Variants in VCL observed in about 807,000 individuals in gnomAD.
The protein encoded by VCL is epididymis luminal protein 114.
A neutral mutation model predicts 125.7 loss-of-function variants in VCL; 47 were observed. The ratio of observed to expected loss-of-function variants is 0.37; its 90% CI spans 0.30 to 0.48. The LOEUF is 0.48. Ranked by LOEUF, VCL falls within the 20% of genes least tolerant of loss-of-function variation. The pLI, the probability that VCL is intolerant of heterozygous loss-of-function variation, is 0.99. For missense variants in VCL, 1,069 were observed against 1,455.5 expected, an observed-to-expected ratio of 0.73 and a Z score of 4.32; for synonymous variants, 458 against 514.6, an observed-to-expected ratio of 0.89 and a Z score of 1.49.
At position 73,998,481 on chromosome 10, in the gene VCL, G is replaced by A. The variant is rs901296190; in HGVS notation, c.168+106G>A. ...CGGCTCGCTGGCCGTGGCTTTCCGC[G>A]TGGGTTCCGGAGCCAGGCGCCGAGG... is the stretch of plus-strand genomic sequence containing the variant. On this transcript the variant is annotated intron_variant, in intron 1 of 21. Coordinates refer to ENST00000211998, the MANE Select transcript of VCL (RefSeq NM_014000.3). 5.0e-6 allele frequency: 6 copies of A among 1,197,178 alleles called. No individual in the cohort carries two copies. The African/African-American group carries it at 6.4e-5, about 13-fold the overall frequency. 74.2% of individuals were successfully genotyped at this position (1,197,178 alleles called of 1,614,324 possible).
At chr10:73,999,168 T>TG (rs906037798) in intron 1 of VCL, among the ~76,000 whole-genome samples, 2 of 152,182 alleles carry the variant, frequency 1.3e-5, no homozygotes, top group Non-Finnish European at 2.9e-5. Context: ...CTCCTCCCAC[T>TG]GGGGCCTTTC....
intron 21 of VCL, among the ~76,000 whole-genome samples, chr10:74,115,579 T>C (rs986324637): frequency 1.3e-5 from 2 of 152,134 alleles, no homozygotes; most frequent in Non-Finnish European, 2.9e-5. Flanking sequence ...TTGGCTCTTT[T>C]GAGGCCTCCA....
chr10:74,027,434 G>A (rs955558135), intron 1 of VCL, among the ~76,000 whole-genome samples: 2 of 151,640 alleles, frequency 1.3e-5, no homozygotes, highest in African/African-American at 2.4e-5. Flanking sequence ...GCCGAGGTAG[G>A]TGAATCATTT....
At chr10:74,081,865 T>C (rs1478364769) in intron 6 of VCL, among the ~76,000 whole-genome samples, 1 of 152,188 alleles carries the variant, frequency 6.6e-6, no homozygotes, top group African/African-American at 2.4e-5. Context: ...CACTTCTAAA[T>C]TATATTACTT....
chr10:74,052,209 C>T (rs1042211389), intron 2 of VCL, among the ~76,000 whole-genome samples: 2 of 151,966 alleles, frequency 1.3e-5, no homozygotes, highest in Non-Finnish European at 2.9e-5. Flanking sequence ...TTAGCTAGTC[C>T]TCTATGTGGT....
intron 10 of VCL, among the ~76,000 whole-genome samples, chr10:74,090,470 A>G (rs1352601828): frequency 6.6e-6 from 1 of 152,028 alleles, no homozygotes; most frequent in Non-Finnish European, 1.5e-5. Flanking sequence ...TCCTTTTTTG[A>G]GATGCTTTTT....
chr10:74,091,176 A>C (rs1406972617), intron 10 of VCL, among the ~76,000 whole-genome samples: 2 of 152,156 alleles, frequency 1.3e-5, no homozygotes, highest in Non-Finnish European at 1.5e-5. Context: ...AACACTAAGG[A>C]AGGGTTTAAT....
At chr10:74,098,556 T>C (rs1840005410) in intron 13 of VCL, among the ~76,000 whole-genome samples, 1 of 152,192 alleles carries the variant, frequency 6.6e-6, no homozygotes, top group African/African-American at 2.4e-5. Context: ...CAGGAGAGCT[T>C]TGCTATGCCT....
At chr10:74,096,797 C>T (rs928050189) in intron 12 of VCL, among the ~76,000 whole-genome samples, 1 of 152,234 alleles carries the variant, frequency 6.6e-6, no homozygotes, top group Admixed American at 6.5e-5. Flanking sequence ...GGCACTACAT[C>T]CACCAAACAA....
intron 6 of VCL, among the ~76,000 whole-genome samples, chr10:74,082,056 TTCCCTGAGGTGGG>T (rs1839685227): frequency 6.6e-6 from 1 of 152,176 alleles, no homozygotes; most frequent in African/African-American, 2.4e-5. Flanking sequence ...CTAACGAGGC[TTCCCTGAGGTGGG>T]AAGGGCTTTG....
At chr10:74,046,071 A>G (rs1202534228) in intron 2 of VCL, among the ~76,000 whole-genome samples, 1 of 152,118 alleles carries the variant, frequency 6.6e-6, no homozygotes, top group Non-Finnish European at 1.5e-5. Context: ...TGTTAATTCC[A>G]TAAAATGTCT....
Position 74,067,180 on chromosome 10 carries a change from C to A in VCL, c.240-3490C>A, listed in dbSNP as rs147987401. Among the ~76,000 whole-genome samples the A allele has an allele frequency of 2.6e-5, 4 of 152,166 alleles. 1 individual carries two copies. Among genetic ancestry groups the A allele is most frequent in the African/African-American group, 9.6e-5 (4 of 41,534 alleles). ...GATGAGAGTTTAATAACTAGCTTATCTAAGAAACTCTTACAACTCAGCCCC... is the reference window on the plus strand; with the variant it reads ...GATGAGAGTTTAATAACTAGCTTATATAAGAAACTCTTACAACTCAGCCCC... On this transcript the variant is annotated intron_variant, in intron 2 of 21. Coordinates refer to ENST00000211998, the MANE Select transcript of VCL (RefSeq NM_014000.3).
At chr10:74,057,280 T>C (rs1841405895) in intron 2 of VCL, among the ~76,000 whole-genome samples, 1 of 152,126 alleles carries the variant, frequency 6.6e-6, no homozygotes, top group Non-Finnish European at 1.5e-5. Flanking sequence ...TATATGTATA[T>C]ATAAATTCCA....
At chr10:74,061,884 A>AT (rs1358671530) in intron 2 of VCL, among the ~76,000 whole-genome samples, 2 of 143,230 alleles carry the variant, frequency 1.4e-5, no homozygotes, top group Non-Finnish European at 3.0e-5. Flanking sequence ...TCTTCCATTT[A>AT]TCTAACTAGG....
At position 74,071,031 on chromosome 10, in the gene VCL, G is replaced by A; in HGVS notation, c.447G>A (p.Glu149=). The change falls in exon 4 of 22, where the codon GAG becomes GAA. Residue 149 remains glutamate, a synonymous_variant. Coordinates refer to ENST00000211998, the MANE Select transcript of VCL (RefSeq NM_014000.3). This position sits in a 1 kb window ranked among gnomAD's most constrained non-coding sequence, Gnocchi z 4.1. The part of the protein sequence containing the change: ...KGILEYLTVA[E]VVETMEDLVT... The stretch of plus-strand genomic sequence containing the variant: ...TTTTGGAATATCTTACAGTGGCAGA[G>A]GTGGTGGAGACTATGGAAGATTTGG... 1.2e-6 allele frequency: 2 copies of A among 1,614,198 alleles called. No homozygotes were observed. The highest frequency in any genetic ancestry group is 2.2e-5 in the East Asian group (1 of 44,880).
At chr10:74,105,378 T>C in intron 16 of VCL, 25 bp downstream of exon 16, 1 of 1,611,896 alleles carries the variant, frequency 6.2e-7, no homozygotes, top group Non-Finnish European at 8.5e-7. Flanking sequence ...GCACTATGTC[T>C]CACCTCCACT....
chr10:74,050,519 A>G (rs1181107318), intron 2 of VCL, among the ~76,000 whole-genome samples: 4 of 152,172 alleles, frequency 2.6e-5, no homozygotes, highest in Non-Finnish European at 5.9e-5. Context: ...TTTTGACCTA[A>G]AGTAATGATG....
chr10:74,004,938 C>T (rs1202236403), intron 1 of VCL, among the ~76,000 whole-genome samples: 1 of 152,112 alleles, frequency 6.6e-6, no homozygotes, highest in African/African-American at 2.4e-5. Context: ...TTCCTGACCT[C>T]AGGCCATCCA....
At chr10:74,096,680 G>A (rs998683937) in intron 12 of VCL, among the ~76,000 whole-genome samples, 25 of 152,194 alleles carry the variant, frequency 1.6e-4, no homozygotes, top group African/African-American at 6.0e-4. Flanking sequence ...AATTGATACA[G>A]ATATTTGTTA....
Sources: allele counts gnomAD v4.1 joint callset (sites outside exome capture counted in the v4.1 genomes callset), GRCh38; gene constraint gnomAD v4.1.1; non-coding constraint Gnocchi (gnomAD v3.1); transcripts MANE v1.5; gene names NCBI Gene and HGNC (gene_info 2026-07-23, HGNC 2026-07-21).